The following CSMD1 variants were observed in gnomAD, a reference collection of about 807,000 sequenced individuals.
CSMD1 encodes CUB and sushi domain-containing protein 1.
Under a neutral mutation model 417.5 loss-of-function variants are expected in CSMD1, and 213 were observed. The ratio of observed to expected loss-of-function variants is 0.51; its 90% confidence interval spans 0.46 to 0.57. CSMD1 has a LOEUF of 0.57. CSMD1 is among the 20% of genes least tolerant of loss of function. The pLI, the probability that CSMD1 is intolerant of heterozygous loss-of-function variation, is 0.00. For synonymous variants in CSMD1, 2,862 were observed against 1,736.8 expected, an observed-to-expected ratio of 1.65 and a Z score of -16.11; for missense variants, 6,923 against 4,529.7, an observed-to-expected ratio of 1.53 and a Z score of -15.17.
At chr8:3,383,470 C>T (rs1355941394) in intron 18 of CSMD1, among the ~76,000 whole-genome samples, 5 of 149,888 alleles carry the variant, frequency 3.3e-5, no homozygotes, top group Admixed American at 2.7e-4. Flanking sequence ...AAACCTCATG[C>T]ATGGAGGGAA....
chr8:4,039,384 G>C (rs1395505992), intron 3 of CSMD1, among the ~76,000 whole-genome samples: 2 of 152,196 alleles, frequency 1.3e-5, no homozygotes, highest in Admixed American at 1.3e-4. Flanking sequence ...CTGGCTTTGG[G>C]AAGGATTAGA....
Position 2,957,209 on chromosome 8 carries a change from G to C in CSMD1, c.9814+487C>G, listed in dbSNP as rs1053663747. On this transcript the variant is annotated intron_variant, in intron 63 of 69. Transcript: ENST00000635120. ...TCATATATACTTCCTGTTATAGCAAGAATAATTTTTTAAACACTTCTACTT... is the reference window on the plus strand; with the variant it reads ...TCATATATACTTCCTGTTATAGCAACAATAATTTTTTAAACACTTCTACTT... 2.0e-5 allele frequency among the ~76,000 whole-genome samples: 3 copies of C among 152,064 alleles called. No homozygotes were observed. In the South Asian group the frequency reaches 6.2e-4, roughly 32 times the overall value.
At chr8:4,299,023 C>T (rs1797837742) in intron 3 of CSMD1, among the ~76,000 whole-genome samples, 1 of 151,858 alleles carries the variant, frequency 6.6e-6, no homozygotes, top group African/African-American at 2.4e-5. Context: ...ATTTAAAAAG[C>T]AGAATAAAAG....
chr8:3,392,634 C>T (rs1811419449), intron 17 of CSMD1, among the ~76,000 whole-genome samples: 1 of 152,004 alleles, frequency 6.6e-6, no homozygotes, highest in Admixed American at 6.6e-5. Flanking sequence ...TTCAGAATCA[C>T]CTCGAGGACT....
chr8:4,966,566 T>TAA (rs1563891247), intron 1 of CSMD1, among the ~76,000 whole-genome samples: 4 of 151,716 alleles, frequency 2.6e-5, no homozygotes, highest in Non-Finnish European at 2.9e-5. Context: ...GATGTGCAAG[T>TAA]GTCACACTGA....
At chr8:4,425,538 G>T (rs1032992608) in intron 2 of CSMD1, among the ~76,000 whole-genome samples, 10 of 152,040 alleles carry the variant, frequency 6.6e-5, no homozygotes, top group Non-Finnish European at 1.3e-4. Context: ...ATCTTATAAG[G>T]AGCTGGCAAG....
At chr8:3,405,929 A>G (rs980749231) in intron 15 of CSMD1, 98 bp downstream of exon 15, 7 of 1,119,850 alleles carry the variant, frequency 6.3e-6, no homozygotes, top group Non-Finnish European at 7.7e-6. Context: ...TTGTTAGGGC[A>G]GCCCTAGCAA....
intron 12 of CSMD1, among the ~76,000 whole-genome samples, chr8:3,449,783 G>T (rs962639171): frequency 6.6e-6 from 1 of 152,138 alleles, no homozygotes; most frequent in Non-Finnish European, 1.5e-5. Flanking sequence ...CTCCCAAAGT[G>T]CCAGCATTAC....
chr8:4,185,533 G>C (rs569792525), intron 3 of CSMD1, among the ~76,000 whole-genome samples: 9 of 152,204 alleles, frequency 5.9e-5, no homozygotes, highest in African/African-American at 2.2e-4. Context: ...TGGGCATAAA[G>C]AGAAACATGC....
At chr8:3,771,272 G>T (rs1798559182) in intron 5 of CSMD1, among the ~76,000 whole-genome samples, 1 of 152,126 alleles carries the variant, frequency 6.6e-6, no homozygotes, top group Non-Finnish European at 1.5e-5. Flanking sequence ...TTGAGGTTAG[G>T]TCCAGAGGCT....
intron 40 of CSMD1, among the ~76,000 whole-genome samples, chr8:3,146,120 A>G (rs998385041): frequency 6.6e-6 from 1 of 152,190 alleles, no homozygotes; most frequent in Non-Finnish European, 1.5e-5. Context: ...ATGTTTCTAG[A>G]AAGTCTGATG....
intron 68 of CSMD1, among the ~76,000 whole-genome samples, chr8:2,944,332 A>AGT (rs1000358449): frequency 3.9e-5 from 6 of 152,096 alleles, no homozygotes; most frequent in African/African-American, 1.4e-4. Flanking sequence ...GACAACATGA[A>AGT]GTGTGTGTGT....
At chr8:3,280,341 A>G (rs1802637117) in intron 26 of CSMD1, among the ~76,000 whole-genome samples, 1 of 152,188 alleles carries the variant, frequency 6.6e-6, no homozygotes, top group Non-Finnish European at 1.5e-5. Flanking sequence ...ACAGAGACAA[A>G]AGGTCAGTCT....
At chr8:3,045,951 G>A (rs968111305) in intron 50 of CSMD1, among the ~76,000 whole-genome samples, 2 of 152,204 alleles carry the variant, frequency 1.3e-5, no homozygotes, top group Admixed American at 1.3e-4. Context: ...TTTTAAGCTA[G>A]TAATTACCAA....
At chr8:4,693,551 A>C (rs187433172) in intron 1 of CSMD1, among the ~76,000 whole-genome samples, 69 of 152,104 alleles carry the variant, frequency 4.5e-4, no homozygotes, top group Admixed American at 7.9e-4. Flanking sequence ...TTTTTATTTT[A>C]AATATGCATC....
rs951793882 is a variant in CSMD1, at chr8:3,873,619, G to A, written c.819-119577C>T. 3.3e-5 allele frequency among the ~76,000 whole-genome samples: 5 copies of A among 152,122 alleles called. 1 individual carries two copies. In the South Asian group the frequency reaches 6.2e-4, roughly 19 times the overall value. On this transcript the variant is annotated intron_variant, in intron 5 of 69. Transcript: ENST00000635120. ...CTAATGGGTACTCGGCATAATACCT[G>A]AGTGGTGAAATAATTTGCATATCAA...
At chr8:4,368,841 G>A (rs1043643277) in intron 3 of CSMD1, among the ~76,000 whole-genome samples, 12 of 151,822 alleles carry the variant, frequency 7.9e-5, no homozygotes, top group African/African-American at 2.9e-4. Flanking sequence ...TCTTTATTTG[G>A]GTCTTCTTAA....
chr8:4,456,730 G>C (rs1033488103), intron 2 of CSMD1, among the ~76,000 whole-genome samples: 3 of 152,098 alleles, frequency 2.0e-5, no homozygotes, highest in African/African-American at 7.2e-5. Flanking sequence ...TGCTGCATCA[G>C]TCCTTACTGT....
At chr8:4,690,487 G>C (rs998704701) in intron 1 of CSMD1, among the ~76,000 whole-genome samples, 1 of 152,060 alleles carries the variant, frequency 6.6e-6, no homozygotes, top group African/African-American at 2.4e-5. Flanking sequence ...AGTTTTACTG[G>C]GTAATATAAA....
Sources: gnomAD v4.1 joint callset for allele counts (sites outside exome capture counted in the v4.1 genomes callset) on GRCh38, gnomAD v4.1.1 for gene constraint, MANE v1.5 for transcripts, NCBI Gene and HGNC (gene_info 2026-07-23, HGNC 2026-07-21) for gene names.